The following BCLAF1 variants were observed in gnomAD, a reference collection of about 807,000 sequenced individuals.
BCLAF1 encodes the protein bcl-2-associated transcription factor 1.
In BCLAF1, 10 loss-of-function variants were observed where a neutral mutation model predicts 99.5. That is an observed-to-expected ratio of 0.10 (90% CI 0.06 to 0.17). BCLAF1 has a LOEUF of 0.17. BCLAF1 is among the 10% of genes least tolerant of loss of function. The pLI is 1.00. For missense variants in BCLAF1, 636 were observed against 1,105.8 expected (o/e 0.58, Z 6.02); for synonymous variants, 255 against 370.9 (o/e 0.69, Z 3.59).
intron 12 of BCLAF1, 60 bp from the exon 13 acceptor site, chr6:136,261,175 T>C (rs1279708282): frequency 6.4e-7 from 1 of 1,564,290 alleles, no homozygotes; most frequent in Non-Finnish European, 8.7e-7. Flanking sequence ...AAAGGAACCA[T>C]ATTAATAATT....
At position 136,256,886 on chromosome 6, in the gene BCLAF1, T is replaced by C. The variant is rs1178615478; in HGVS notation, c.*4224A>G. 6.6e-6 allele frequency: 1 copy of C among 152,168 alleles called. No individual in the cohort carries two copies. 9.4% of individuals were successfully genotyped at this position (152,168 alleles called of 1,614,324 possible). ...TGGAGGGTGAGTGGTATTTTTTATT[T>C]ATTGTTGCTCTTCGCATTCCATGAA... On this transcript the variant is annotated 3_prime_UTR_variant, in exon 13 of 13. Coordinates refer to ENST00000531224, the MANE Select transcript of BCLAF1 (RefSeq NM_014739.3).
At chr6:136,272,278 A>G (rs1038286712) in intron 7 of BCLAF1, among the ~76,000 whole-genome samples, 199 bp from the exon 8 acceptor site, 5 of 151,948 alleles carry the variant, frequency 3.3e-5, no homozygotes, top group Admixed American at 6.6e-5. Context: ...CTCCAACCAG[A>G]TATTTTTATA....
intron 1 of BCLAF1, among the ~76,000 whole-genome samples, chr6:136,283,336 T>C (rs989706963): frequency 1.3e-5 from 2 of 152,124 alleles, no homozygotes; most frequent in African/African-American, 4.8e-5. Flanking sequence ...GATTTTTAAA[T>C]CCACGTTAAC....
chr6:136,275,717 AACAC>A lies in BCLAF1; in HGVS notation c.1683-20_1683-17del, dbSNP rs61710271. On this transcript the variant is annotated splice_polypyrimidine_tract_variant and intron_variant, in intron 5 of 12. Transcript: ENST00000531224. ...GGAAGCAGGTCTGGAACATATTGATAACACACACACACACAAAATATACCATTGG... is the reference window on the plus strand; with the variant it reads ...GGAAGCAGGTCTGGAACATATTGATAACACACACACAAAATATACCATTGG... 1.3e-6 allele frequency: 2 copies of A among 1,570,884 alleles called. No individual in the cohort carries two copies. Among genetic ancestry groups the A allele is most frequent in the Non-Finnish European group, 1.7e-6 (2 of 1,160,896 alleles).
chr6:136,258,980 G>A lies in BCLAF1; in HGVS notation c.*2130C>T, dbSNP rs1221237721. The A allele has an allele frequency of 1.3e-5, 2 of 152,408 alleles. No homozygotes were observed. Among genetic ancestry groups the A allele is most frequent in the African/African-American group, 4.8e-5 (2 of 41,422 alleles). 9.4% of individuals were successfully genotyped at this position (152,408 alleles called of 1,614,324 possible). On this transcript the variant is annotated 3_prime_UTR_variant, in exon 13 of 13. Coordinates refer to ENST00000531224, the MANE Select transcript of BCLAF1 (RefSeq NM_014739.3). ...ATCAGTGAGTTATTTCCTAGCACTT[G>A]TAAGCAAATATCCTTACCAAGAGGA...
chr6:136,261,126 G>T lies in BCLAF1; in HGVS notation c.2758-11C>A. The T allele has an allele frequency of 1.3e-6, 2 of 1,576,500 alleles. No individual in the cohort carries two copies. The highest frequency in any genetic ancestry group is 2.4e-5 in the South Asian group (2 of 85,022). Reference sequence around the variant, plus strand: ...TCATATTTATTATTCCTAAAAGAGAGAGAAAAAATTAAAGATTAACAAAAG... The same window carrying T: ...TCATATTTATTATTCCTAAAAGAGATAGAAAAAATTAAAGATTAACAAAAG... On this transcript the variant is annotated splice_polypyrimidine_tract_variant and intron_variant, in intron 12 of 12. Transcript: ENST00000531224.
intron 6 of BCLAF1, chr6:136,273,854 T>C (rs1481064685): frequency 1.8e-6 from 1 of 552,026 alleles, no homozygotes; most frequent in Non-Finnish European, 2.4e-6. Context: ...GTTCAAGATA[T>C]GTTGTAAATG....
At chr6:136,261,233 ATC>A in intron 12 of BCLAF1, 30 bp downstream of exon 12, 6 of 1,601,708 alleles carry the variant, frequency 3.7e-6, no homozygotes, top group Non-Finnish European at 5.1e-6. Flanking sequence ...ATCAAAAAAA[ATC>A]TGTCAGAATC....
chr6:136,279,267 T>C (rs1784037802), intron 3 of BCLAF1, among the ~76,000 whole-genome samples: 1 of 152,164 alleles, frequency 6.6e-6, no homozygotes. Context: ...TTCTTAATGG[T>C]ATTATGGTCA....
chr6:136,278,897 A>C, intron 3 of BCLAF1, 121 bp from the exon 4 acceptor site: 2 of 1,020,962 alleles, frequency 2.0e-6, no homozygotes, highest in South Asian at 2.2e-5. Context: ...TTTTTTAAAA[A>C]ACTCATCTGT....
chr6:136,266,038 CTG>C (rs911087406), intron 11 of BCLAF1, among the ~76,000 whole-genome samples: 2 of 151,894 alleles, frequency 1.3e-5, no homozygotes, highest in African/African-American at 4.8e-5. Flanking sequence ...ATAACGCACT[CTG>C]TAACTTTTTT....
rs775623306 is a variant in BCLAF1 at position 136,275,823 on chromosome 6, G to A, written c.1682+20C>T. 53 of 1,600,796 alleles carry A rather than the reference G, an allele frequency of 3.3e-5. No homozygotes were observed. The highest frequency in any genetic ancestry group is 4.4e-5 in the Non-Finnish European group (52 of 1,173,540). ...ACTGACTGCCCACAGATTATTTACT[G>A]GGCATCAATATGGAATTACCTGTTA... On this transcript the variant is annotated intron_variant, in intron 5 of 12. Transcript: ENST00000531224.
At chr6:136,277,572 C>T (rs758467820) in intron 4 of BCLAF1, among the ~76,000 whole-genome samples, 17 of 152,118 alleles carry the variant, frequency 1.1e-4, no homozygotes, top group Non-Finnish European at 4.4e-5. Context: ...ATCGCCCAGG[C>T]TGGAGTGCAG....
chr6:136,278,313 T>C lies in BCLAF1; in HGVS notation c.568A>G (p.Thr190Ala), dbSNP rs753403857. ...KSKSQEEPKD[T>A]FEHDPSESID... ...GACTCAGATGGGTCATGTTCAAATG[T>C]ATCTTTCGGTTCCTCCTGTGATTTA... The change falls in exon 4 of 13, where the codon ACA becomes GCA. Residue 190 changes from threonine (T) to alanine (A), a missense_variant. Transcript: ENST00000531224. The C allele has an allele frequency of 5.0e-6, 8 of 1,614,014 alleles. No homozygotes were observed. Among genetic ancestry groups the C allele is most frequent in the Admixed American group, 1.7e-5 (1 of 59,976 alleles).
At chr6:136,269,220 A>ATT in intron 9 of BCLAF1, 11 of 1,349,778 alleles carry the variant, frequency 8.1e-6, no homozygotes, top group Admixed American at 5.4e-5. Flanking sequence ...TTAATTTGTC[A>ATT]TTTTTTTTTT....
chr6:136,273,892 A>G, intron 6 of BCLAF1: 1 of 875,200 alleles, frequency 1.1e-6, no homozygotes, highest in South Asian at 2.4e-5. Context: ...TAAAGTCATG[A>G]GCTATGAAAT....
At chr6:136,262,108 A>G (rs1379646732) in intron 11 of BCLAF1, among the ~76,000 whole-genome samples, 1 of 152,182 alleles carries the variant, frequency 6.6e-6, no homozygotes, top group Non-Finnish European at 1.5e-5. Context: ...TACTGCAGTT[A>G]TCACATCCCA....
intron 1 of BCLAF1, 142 bp from the exon 2 acceptor site, chr6:136,282,829 G>T (rs1784557261): frequency 6.6e-6 from 1 of 152,116 alleles, no homozygotes; most frequent in South Asian, 2.1e-4. Context: ...CAGGAAATAG[G>T]AAACTTTTAA....
In BCLAF1 at chr6:136,281,803, T is replaced by C. The variant is rs544637028; in HGVS notation, c.-11+781A>G. ...TCAGGAATTCTGTAGGCTTTTTCAG[T>C]CACCAGGATGTAGCTGGGCTTGTGG... is the stretch of plus-strand genomic sequence containing the variant. On this transcript the variant is annotated intron_variant, in intron 2 of 12. Transcript: ENST00000531224. Among the ~76,000 whole-genome samples the C allele has an allele frequency of 3.3e-5, 5 of 152,352 alleles. 1 individual carries two copies. In the South Asian group the frequency reaches 1.0e-3, roughly 32 times the overall value.
Sources: allele counts gnomAD v4.1 joint callset (sites outside exome capture counted in the v4.1 genomes callset), GRCh38; gene constraint gnomAD v4.1.1; transcripts MANE v1.5; gene names NCBI Gene and HGNC (gene_info 2026-07-23, HGNC 2026-07-21).